CLPTM1L: variants seen among roughly 807,000 people sequenced by gnomAD.
The protein encoded by CLPTM1L is lipid scramblase CLPTM1L.
Under a neutral mutation model 70.9 loss-of-function variants are expected in CLPTM1L, and 38 were observed. The ratio of observed to expected loss-of-function variants is 0.54; its 90% CI spans 0.41 to 0.70. CLPTM1L has a LOEUF of 0.70. CLPTM1L is among the 30% of genes least tolerant of loss of function. CLPTM1L has a pLI of 0.00. For synonymous variants in CLPTM1L, 339 were observed against 299.9 expected, an observed-to-expected ratio of 1.13 and a Z score of -1.35; for missense variants, 652 against 705.9, an observed-to-expected ratio of 0.92 and a Z score of 0.87.
At chr5:1,336,731 C>A (rs1426804406) in intron 5 of CLPTM1L, among the ~76,000 whole-genome samples, 1 of 152,166 alleles carries the variant, frequency 6.6e-6, no homozygotes, top group Non-Finnish European at 1.5e-5. Context: ...CAGACCTGCT[C>A]GCCAGCCACT....
intron 9 of CLPTM1L, among the ~76,000 whole-genome samples, chr5:1,330,078 G>A (rs1216363388): frequency 1.3e-5 from 2 of 152,052 alleles, no homozygotes; most frequent in East Asian, 1.9e-4. Context: ...GATACCACCC[G>A]AACACGCATT....
At position 1,335,160 on chromosome 5, in the gene CLPTM1L, G is replaced by A. The variant is rs760035535; in HGVS notation, c.693C>T (p.Ser231=). The A allele has an allele frequency of 2.5e-6, 4 of 1,613,546 alleles. No individual in the cohort carries two copies. Among genetic ancestry groups the A allele is most frequent in the Non-Finnish European group, 1.7e-6 (2 of 1,179,964 alleles). The change falls in exon 6 of 17, where the codon TCC becomes TCT. Residue 231 remains serine, a synonymous_variant. Coordinates refer to ENST00000320895, the MANE Select transcript of CLPTM1L (RefSeq NM_030782.5). ...RVKDLMVINR[S]TTELPLTVSY... ...ACACGGTGAGGGGCAGCTCGGTGGT[G>A]GAGCGGTTTATGACCTGATGAAGAA...
intron 3 of CLPTM1L, 64 bp downstream of exon 3, chr5:1,341,607 G>A: frequency 7.1e-7 from 1 of 1,417,676 alleles, no homozygotes; most frequent in Non-Finnish European, 9.6e-7. Flanking sequence ...CCTGTGTGGA[G>A]AAAGACATGT....
Position 1,318,082 on chromosome 5 carries a change from G to A in CLPTM1L, c.*287C>T, listed in dbSNP as rs141757019. ...TGTGAGGGCTCCCACCCCTGCCCGC[G>A]TGAGGACATGGCCGAACCCCGGACA... is the stretch of plus-strand genomic sequence containing the variant. On this transcript the variant is annotated 3_prime_UTR_variant, in exon 17 of 17. Transcript: ENST00000320895. This position sits in a 1 kb window ranked among gnomAD's most constrained non-coding sequence, Gnocchi z 8.9. 14 of 429,456 alleles carry A rather than the reference G, an allele frequency of 3.3e-5. No homozygotes were observed. Among genetic ancestry groups the A allele is most frequent in the Non-Finnish European group, 5.8e-5 (14 of 242,686 alleles). 26.6% of individuals were successfully genotyped at this position (429,456 alleles called of 1,614,324 possible).
At chr5:1,324,692 A>G in intron 11 of CLPTM1L, 71 bp downstream of exon 11, 1 of 1,371,946 alleles carries the variant, frequency 7.3e-7, no homozygotes, top group Admixed American at 1.7e-5. Context: ...GAGCAATGAC[A>G]GTAAAAGACC....
chr5:1,324,884 A>C, intron 10 of CLPTM1L, 71 bp from the exon 11 acceptor site: 2 of 1,416,112 alleles, frequency 1.4e-6, no homozygotes, highest in South Asian at 2.3e-5. Context: ...GCTGTGACTA[A>C]GGGGCGTCAC....
chr5:1,318,749 C>T lies in CLPTM1L; in HGVS notation c.1533-296G>A, dbSNP rs1040507482. Among the ~76,000 whole-genome samples the T allele has an allele frequency of 6.6e-6, 1 of 152,140 alleles. No individual in the cohort carries two copies. The highest frequency in any genetic ancestry group is 2.4e-5 in the African/African-American group (1 of 41,436). On this transcript the variant is annotated intron_variant, in intron 16 of 16. Transcript: ENST00000320895. The surrounding 1 kb of genome is among the most constrained non-coding windows in gnomAD (Gnocchi z 8.9). ...CTGAAGGGGGGACCCGGAGGCTGCA[C>T]GGGCTGCCTTCTGGGAACGGTGGCA... is the stretch of plus-strand genomic sequence containing the variant.
At position 1,320,721 on chromosome 5, in the gene CLPTM1L, G is replaced by A; in HGVS notation, c.1427C>T (p.Thr476Ile). ...WKAFTYKAFN[T>I]FIDDVFAFII... ...GAAGGCAAAGACGTCATCAATGAAG[G>A]TGTTGAAAGCCTGCAGGGCCAGACG... Residue 476 changes from threonine to isoleucine, a missense_variant, in exon 16 of 17, where the codon ACC (threonine) becomes ATC (isoleucine). Around this residue, in one of 3 missense-constraint regions of CLPTM1L, gnomAD observed 240 missense variants for 295.0 expected, o/e 0.81. Transcript: ENST00000320895. The A allele has an allele frequency of 6.5e-7, 1 of 1,541,740 alleles. No homozygotes were observed. The highest frequency in any genetic ancestry group is 8.8e-7 in the Non-Finnish European group (1 of 1,139,746).
At position 1,342,004 on chromosome 5, in the gene CLPTM1L, C is replaced by T. The variant is rs1010786967; in HGVS notation, c.264-144G>A. The T allele has an allele frequency of 6.5e-5, 40 of 611,344 alleles. No individual in the cohort carries two copies. The highest frequency in any genetic ancestry group is 8.7e-5 in the Non-Finnish European group (31 of 358,174). The allele number at this position is 611,344 out of a possible 1,614,324, so 37.9% of individuals were successfully genotyped here. On this transcript the variant is annotated intron_variant, in intron 2 of 16. Coordinates refer to ENST00000320895, the MANE Select transcript of CLPTM1L (RefSeq NM_030782.5). This position sits in a 1 kb window ranked among gnomAD's most constrained non-coding sequence, Gnocchi z 4.3. The stretch of plus-strand genomic sequence containing the variant: ...TGAAACCCACCTGCCCAGGGCTTTA[C>T]GAGTCGTGTGTGTGTGTGTGTGTGT...
Position 1,325,784 on chromosome 5 carries a change from A to C in CLPTM1L, c.1113T>G (p.Thr371=), listed in dbSNP as rs752054599. Residue 371 remains threonine, a synonymous_variant, in exon 10 of 17, where the codon ACT becomes ACG. Transcript: ENST00000320895. ...CGGGCATCAGGCCTCTCCAAAAAATAGTCATCTTCAATGCCTTCTTCACTT... is the reference window on the plus strand; with the variant it reads ...CGGGCATCAGGCCTCTCCAAAAAATCGTCATCTTCAATGCCTTCTTCACTT... ...LWKVKKALKM[T]IFWRGLMPEF... 3 of 1,613,930 alleles carry C rather than the reference A, an allele frequency of 1.9e-6. No individual in the cohort carries two copies. The highest frequency in any genetic ancestry group is 2.2e-5 in the East Asian group (1 of 44,904).
chr5:1,319,429 C>A (rs1251189821), intron 16 of CLPTM1L, among the ~76,000 whole-genome samples: 4 of 152,150 alleles, frequency 2.6e-5, no homozygotes, highest in African/African-American at 9.7e-5. Flanking sequence ...TGTGGATGTG[C>A]CAACTGCACC....
chr5:1,328,533 C>T (rs1579631719), intron 9 of CLPTM1L, among the ~76,000 whole-genome samples: 1 of 150,718 alleles, frequency 6.6e-6, no homozygotes, highest in Non-Finnish European at 1.5e-5. Context: ...TCTGCAGACA[C>T]ATTTCATCCA....
chr5:1,330,355 G>C lies in CLPTM1L; in HGVS notation c.1005C>G (p.Val335=). 3.7e-6 allele frequency: 6 copies of C among 1,612,866 alleles called. No homozygotes were observed. Among genetic ancestry groups the C allele is most frequent in the Non-Finnish European group, 5.1e-6 (6 of 1,179,988 alleles). ...AVLWRCFSTV[V]IFLFLLDEQT... is the part of the protein sequence containing the mutation. The stretch of plus-strand genomic sequence containing the variant: ...GCTCGTCCAGCAGGAACAGAAAGAT[G>C]ACCACGGTGCTGAAGCAGCGCCAGA... The change falls in exon 9 of 17, where the codon GTC becomes GTG. Residue 335 remains valine (V), a synonymous_variant. Transcript: ENST00000320895.
intron 3 of CLPTM1L, 67 bp downstream of exon 3, chr5:1,341,604 G>T: frequency 7.2e-7 from 1 of 1,390,482 alleles, no homozygotes; most frequent in Non-Finnish European, 9.8e-7. Context: ...CCACCTGTGT[G>T]GAGAAAGACA....
intron 9 of CLPTM1L, among the ~76,000 whole-genome samples, chr5:1,329,904 AGCCTCAGGACTCTCTGCTTGGTGGACAGG>A (rs1752969814): frequency 1.8e-4 from 11 of 62,580 alleles, no homozygotes; most frequent in Admixed American, 3.4e-4. Flanking sequence ...TGGTGGACAG[AGCCTCAGGACTCTCTGCTTGGTGGACAGG>A]GCCTCAGGAC....
At position 1,321,662 on chromosome 5, in the gene CLPTM1L, A is replaced by G; in HGVS notation, c.1389T>C (p.His463=). 1 of 1,613,990 alleles carries G rather than the reference A, an allele frequency of 6.2e-7. No individual in the cohort carries two copies. The highest frequency in any genetic ancestry group is 8.5e-7 in the Non-Finnish European group (1 of 1,180,034). ...FVNYKLKSVA[H]LPWKAFTYKA... ...TGTAGGTGAAGGCCTTCCAGGGCAGATGTGCCACTGACTTCAACTGAAACA... is the reference window on the plus strand; with the variant it reads ...TGTAGGTGAAGGCCTTCCAGGGCAGGTGTGCCACTGACTTCAACTGAAACA... The change falls in exon 15 of 17, where the codon CAT becomes CAC. Residue 463 remains histidine, a synonymous_variant. Coordinates refer to ENST00000320895, the MANE Select transcript of CLPTM1L (RefSeq NM_030782.5).
chr5:1,333,661 G>T (rs62329705), intron 7 of CLPTM1L, among the ~76,000 whole-genome samples: 1 of 59,654 alleles, frequency 1.7e-5, no homozygotes, highest in Non-Finnish European at 3.0e-5. Flanking sequence ...TATACACACC[G>T]GCTGAGGATA....
In CLPTM1L at chr5:1,321,817, C is replaced by T; in HGVS notation, c.1318G>A (p.Val440Ile). The change falls in exon 14 of 17, where the codon GTC becomes ATC. Residue 440 changes from valine (V) to isoleucine (I), a missense_variant and splice_region_variant. Physicochemically the swap from Val to Ile is conservative, Grantham distance 29. Transcript: ENST00000320895. Reference sequence around the variant, plus strand: ...ATGAAGAGGAAACCAAAGGCATAGACCCCTGCAGAAAGACAGACAGCACTC... The same window carrying T: ...ATGAAGAGGAAACCAAAGGCATAGATCCCTGCAGAAAGACAGACAGCACTC... ...SWLINSFVNG[V>I]YAFGFLFMLP... 6.2e-7 allele frequency: 1 copy of T among 1,613,680 alleles called. No homozygotes were observed. The highest frequency in any genetic ancestry group is 2.2e-5 in the East Asian group (1 of 44,866).
At chr5:1,325,053 T>C (rs1752432761) in intron 10 of CLPTM1L, 1 of 587,078 alleles carries the variant, frequency 1.7e-6, no homozygotes, top group South Asian at 2.1e-5. Context: ...GCCTCACTGC[T>C]GTTCCTTGCT....
Sources: allele counts gnomAD v4.1 joint callset (sites outside exome capture counted in the v4.1 genomes callset), GRCh38; gene constraint gnomAD v4.1.1; regional missense constraint gnomAD v4.1.1; non-coding constraint Gnocchi (gnomAD v3.1); transcripts MANE v1.5; gene names NCBI Gene and HGNC (gene_info 2026-07-23, HGNC 2026-07-21).